AP3B1: variants seen among roughly 807,000 people sequenced by gnomAD.
The protein encoded by AP3B1 is adaptor related protein complex 3 subunit beta 1, also known as AP-3 complex subunit beta-1.
Under a neutral mutation model 132.5 loss-of-function variants are expected in AP3B1, and 61 were observed. The ratio of observed to expected loss-of-function variants is 0.46; its 90% CI spans 0.37 to 0.57. AP3B1 has a LOEUF of 0.57. AP3B1 is among the 20% of genes least tolerant of loss of function. The pLI, the probability that AP3B1 is intolerant of heterozygous loss-of-function variation, is 0.00. For synonymous variants in AP3B1, 388 were observed against 438.3 expected (o/e 0.89, Z 1.43); for missense variants, 1,120 against 1,289.4 (o/e 0.87, Z 2.01).
chr5:78,006,608 G>C (rs1478903980), intron 26 of AP3B1, among the ~76,000 whole-genome samples: 1 of 152,192 alleles, frequency 6.6e-6, no homozygotes, highest in East Asian at 1.9e-4. Flanking sequence ...CTGTAACACA[G>C]GGAGGGACTA....
At chr5:78,232,326 A>G (rs1011680002) in intron 3 of AP3B1, among the ~76,000 whole-genome samples, 1 of 152,224 alleles carries the variant, frequency 6.6e-6, no homozygotes, top group Non-Finnish European at 1.5e-5. Flanking sequence ...ATAAAAAGGC[A>G]CCTGAATGAA....
At chr5:78,264,684 C>T (rs750961425) in intron 2 of AP3B1, among the ~76,000 whole-genome samples, 3 of 152,094 alleles carry the variant, frequency 2.0e-5, no homozygotes, top group Non-Finnish European at 4.4e-5. Context: ...TACATAGAAC[C>T]AAAGCATTGT....
chr5:78,054,132 G>T (rs183146), intron 22 of AP3B1, among the ~76,000 whole-genome samples: 40,707 of 152,074 alleles, frequency 0.27, 6,067 homozygotes, highest in Admixed American at 0.4. Context: ...CTGAGGAGCA[G>T]GATAGGCACA....
At chr5:78,287,565 C>A (rs1749333398) in intron 1 of AP3B1, among the ~76,000 whole-genome samples, 1 of 151,864 alleles carries the variant, frequency 6.6e-6, no homozygotes, top group Non-Finnish European at 1.5e-5. Context: ...AATAGTTGGC[C>A]CTTTGTAAAA....
Position 78,094,928 on chromosome 5 carries a change from G to A in AP3B1, c.2471-5429C>T, listed in dbSNP as rs148342940. Among the ~76,000 whole-genome samples the A allele has an allele frequency of 8.6e-3, 1,312 of 152,164 alleles. 11 individuals are homozygous for A. The highest frequency in any genetic ancestry group is 0.013 in the Non-Finnish European group (889 of 68,002). On this transcript the variant is annotated intron_variant, in intron 21 of 26. Coordinates refer to ENST00000255194, the MANE Select transcript of AP3B1 (RefSeq NM_003664.5). ...TCTCTTGGCCTCAGGTGATCTGCCCGCCTCGGCCTCCCAAAGTGCTGGTAT... is the reference window on the plus strand; with the variant it reads ...TCTCTTGGCCTCAGGTGATCTGCCCACCTCGGCCTCCCAAAGTGCTGGTAT...
At position 78,232,936 on chromosome 5, in the gene AP3B1, A is replaced by G. The variant is rs988103598; in HGVS notation, c.280-4697T>C. 2.6e-4 allele frequency among the ~76,000 whole-genome samples: 39 copies of G among 152,104 alleles called. 1 individual carries two copies. Among genetic ancestry groups the G allele is most frequent in the Middle Eastern group, 3.2e-3 (1 of 316 alleles). Reference sequence around the variant, plus strand: ...TGGCCAGACTAGTCATGAACTCCTGACGTCAAGTGATCCACCCACCTCGGC... The same window carrying G: ...TGGCCAGACTAGTCATGAACTCCTGGCGTCAAGTGATCCACCCACCTCGGC... On this transcript the variant is annotated intron_variant, in intron 3 of 26. Coordinates refer to ENST00000255194, the MANE Select transcript of AP3B1 (RefSeq NM_003664.5).
At chr5:78,207,629 G>T (rs1486621755) in intron 7 of AP3B1, among the ~76,000 whole-genome samples, 1 of 151,968 alleles carries the variant, frequency 6.6e-6, no homozygotes, top group Admixed American at 6.6e-5. Flanking sequence ...AGTGAACCTG[G>T]AGATCATATG....
At chr5:78,226,487 G>C (rs1386671110) in intron 5 of AP3B1, among the ~76,000 whole-genome samples, 1 of 151,768 alleles carries the variant, frequency 6.6e-6, no homozygotes, top group African/African-American at 2.4e-5. Context: ...ATCATCTCTG[G>C]TCCCTGTCCT....
intron 3 of AP3B1, among the ~76,000 whole-genome samples, chr5:78,233,087 T>C (rs998304253): frequency 7.9e-5 from 12 of 152,202 alleles, no homozygotes; most frequent in African/African-American, 2.9e-4. Flanking sequence ...ATTTATTATC[T>C]AATAAATAAT....
intron 7 of AP3B1, among the ~76,000 whole-genome samples, chr5:78,213,079 C>T (rs1204843873): frequency 1.3e-5 from 2 of 151,792 alleles, no homozygotes; most frequent in Admixed American, 6.6e-5. Context: ...TGGGGTTTCA[C>T]CGTGTTAGCC....
At chr5:78,052,335 C>T (rs1748617686) in intron 22 of AP3B1, among the ~76,000 whole-genome samples, 1 of 151,986 alleles carries the variant, frequency 6.6e-6, no homozygotes, top group African/African-American at 2.4e-5. Flanking sequence ...TTATTTCATG[C>T]TCGGTATTAA....
At chr5:78,085,664 ATAT>A (rs1347601012) in intron 22 of AP3B1, among the ~76,000 whole-genome samples, 1 of 152,120 alleles carries the variant, frequency 6.6e-6, no homozygotes, top group Non-Finnish European at 1.5e-5. Flanking sequence ...AGTTATCATT[ATAT>A]TATTATAAAA....
chr5:78,282,773 A>C (rs955607218), intron 1 of AP3B1, among the ~76,000 whole-genome samples: 2 of 151,672 alleles, frequency 1.3e-5, no homozygotes, highest in Admixed American at 6.6e-5. Flanking sequence ...GCACTTTGGG[A>C]GGCCAAGGCA....
chr5:78,003,203 A>G, intron 26 of AP3B1, 148 bp from the exon 27 acceptor site: 1 of 911,410 alleles, frequency 1.1e-6, no homozygotes, highest in Non-Finnish European at 1.6e-6. Context: ...AAAGCCAAGC[A>G]TTCTTCTGAA....
chr5:78,136,115 T>C (rs61711956), intron 15 of AP3B1, among the ~76,000 whole-genome samples: 1,845 of 152,242 alleles, frequency 0.012, 39 homozygotes, highest in African/African-American at 0.042. Flanking sequence ...AAGAATACAC[T>C]TTTTGTCAGT....
At chr5:78,252,864 C>T (rs1747698999) in intron 2 of AP3B1, among the ~76,000 whole-genome samples, 2 of 152,198 alleles carry the variant, frequency 1.3e-5, no homozygotes, top group African/African-American at 4.8e-5. Flanking sequence ...ACTGTAGAGC[C>T]CCAGGGCCTT....
chr5:78,123,117 A>G (rs1752298703), intron 17 of AP3B1, among the ~76,000 whole-genome samples: 1 of 152,256 alleles, frequency 6.6e-6, no homozygotes, highest in Admixed American at 6.5e-5. Context: ...TATTTAATAA[A>G]TGGTGCTGGG....
intron 1 of AP3B1, among the ~76,000 whole-genome samples, chr5:78,270,274 A>G (rs1748495776): frequency 1.3e-5 from 2 of 152,028 alleles, no homozygotes; most frequent in African/African-American, 4.8e-5. Context: ...TCAATATTGG[A>G]CTGGAAATTT....
chr5:78,281,953 A>G (rs967760457), intron 1 of AP3B1, among the ~76,000 whole-genome samples: 2 of 152,342 alleles, frequency 1.3e-5, no homozygotes, highest in South Asian at 2.1e-4. Flanking sequence ...GTATTTTACC[A>G]TAATTAAAAA....
Sources: gnomAD v4.1 joint callset for allele counts (sites outside exome capture counted in the v4.1 genomes callset) on GRCh38, gnomAD v4.1.1 for gene constraint, MANE v1.5 for transcripts, NCBI Gene and HGNC (gene_info 2026-07-23, HGNC 2026-07-21) for gene names.